The following NKAIN2 variants were observed in gnomAD, a reference collection of about 807,000 sequenced individuals.
NKAIN2 encodes sodium/potassium transporting ATPase interacting 2.
NKAIN2 carries 14 observed loss-of-function variants against 32.6 expected under a neutral mutation model. The ratio of observed to expected loss-of-function variants is 0.43; its 90% CI spans 0.28 to 0.67. The LOEUF (loss-of-function observed/expected upper bound fraction) is 0.67, where lower values mean the gene tolerates loss of function less well. Among genes scored for constraint, NKAIN2 ranks in the 30% least tolerant of loss-of-function variants. The pLI, the probability that NKAIN2 is intolerant of heterozygous loss-of-function variation, is 0.17. For synonymous variants in NKAIN2, 80 were observed against 87.2 expected (o/e 0.92, Z 0.46); for missense variants, 198 against 258.3 (o/e 0.77, Z 1.60).
intron 5 of NKAIN2, among the ~76,000 whole-genome samples, chr6:124,795,895 T>C (rs1192726699): frequency 6.6e-6 from 1 of 152,160 alleles, no homozygotes; most frequent in Non-Finnish European, 1.5e-5. Flanking sequence ...AAAATATGAA[T>C]TGGGGAGGGA....
intron 1 of NKAIN2, among the ~76,000 whole-genome samples, chr6:123,886,985 A>G (rs1035961688): frequency 2.0e-5 from 3 of 152,152 alleles, no homozygotes; most frequent in African/African-American, 4.8e-5. Context: ...TACTGCAAAT[A>G]TCTGTATGAA....
rs555764663 is a variant in NKAIN2, at chr6:124,152,200, G to GA, written c.55-130799dup. Among the ~76,000 whole-genome samples, 6 of 151,884 alleles carry GA rather than the reference G, an allele frequency of 4.0e-5. No homozygotes were observed. The South Asian group carries it at 1.0e-3, about 26-fold the overall frequency. Reference sequence around the variant, plus strand: ...TCCAGTTGATCCAAAATATTATATTGAAAAAACCCCTCTTTTGCCACTGAA... The same window carrying GA: ...TCCAGTTGATCCAAAATATTATATTGAAAAAAACCCCTCTTTTGCCACTGAA... On this transcript the variant is annotated intron_variant, in intron 1 of 6. Coordinates refer to ENST00000368417, the MANE Select transcript of NKAIN2 (RefSeq NM_001040214.3).
intron 1 of NKAIN2, among the ~76,000 whole-genome samples, chr6:123,824,730 T>TA (rs111605515): frequency 0.16 from 22,079 of 141,636 alleles, 3,812 homozygotes; most frequent in African/African-American, 0.43. Context: ...AACTTAAAAT[T>TA]AAAAAAAAAA....
intron 3 of NKAIN2, among the ~76,000 whole-genome samples, chr6:124,389,461 A>G (rs1007796948): frequency 1.3e-5 from 2 of 152,120 alleles, no homozygotes; most frequent in African/African-American, 4.8e-5. Context: ...ATAAGGGTTT[A>G]CTAAATATTA....
At chr6:124,474,610 C>T (rs1446132244) in intron 3 of NKAIN2, among the ~76,000 whole-genome samples, 1 of 151,924 alleles carries the variant, frequency 6.6e-6, no homozygotes, top group Non-Finnish European at 1.5e-5. Context: ...TTTTAAAGAT[C>T]ACCATGACTA....
At chr6:123,994,860 C>G (rs1779553093) in intron 1 of NKAIN2, among the ~76,000 whole-genome samples, 1 of 152,122 alleles carries the variant, frequency 6.6e-6, no homozygotes, top group African/African-American at 2.4e-5. Context: ...TTGCAGTAGT[C>G]CTCTTTGGCA....
intron 3 of NKAIN2, among the ~76,000 whole-genome samples, chr6:124,646,716 C>T (rs1013864369): frequency 6.6e-6 from 1 of 151,998 alleles, no homozygotes; most frequent in African/African-American, 2.4e-5. Context: ...TTTGGGAAGC[C>T]GAGGCGAGTA....
At chr6:124,583,775 G>A (rs1562269056) in intron 3 of NKAIN2, among the ~76,000 whole-genome samples, 3 of 152,168 alleles carry the variant, frequency 2.0e-5, no homozygotes, top group South Asian at 2.1e-4. Flanking sequence ...AAGCAGCATA[G>A]CACTGGCATG....
intron 5 of NKAIN2, among the ~76,000 whole-genome samples, chr6:124,806,626 T>A (rs1780577695): frequency 6.6e-6 from 1 of 151,714 alleles, no homozygotes; most frequent in African/African-American, 2.4e-5. Flanking sequence ...AGGTTCAAAT[T>A]CACACATAAC....
chr6:124,447,201 ACTCT>A (rs1562190860), intron 3 of NKAIN2, among the ~76,000 whole-genome samples: 1 of 152,088 alleles, frequency 6.6e-6, no homozygotes, highest in African/African-American at 2.4e-5. Context: ...TTTGCATAGA[ACTCT>A]GCTGAGAATG....
intron 1 of NKAIN2, among the ~76,000 whole-genome samples, chr6:123,877,717 G>T (rs1032775005): frequency 6.6e-6 from 1 of 152,134 alleles, no homozygotes; most frequent in African/African-American, 2.4e-5. Context: ...TGTTGATGTT[G>T]GGAGTGGAGT....
intron 3 of NKAIN2, among the ~76,000 whole-genome samples, chr6:124,472,748 C>A (rs1416269921): frequency 6.6e-6 from 1 of 151,266 alleles, no homozygotes; most frequent in East Asian, 1.9e-4. Flanking sequence ...TTATGAAGGA[C>A]CTTGTATTAC....
At chr6:124,523,886 T>A (rs2114803706) in intron 3 of NKAIN2, among the ~76,000 whole-genome samples, 1 of 152,312 alleles carries the variant, frequency 6.6e-6, no homozygotes, top group Non-Finnish European at 1.5e-5. Flanking sequence ...ACCTATAGTA[T>A]TGTATGCCAG....
intron 3 of NKAIN2, among the ~76,000 whole-genome samples, chr6:124,464,867 T>C (rs1776679813): frequency 6.6e-6 from 1 of 152,134 alleles, no homozygotes; most frequent in Non-Finnish European, 1.5e-5. Context: ...TGGTTCCATA[T>C]GAAATTTAAA....
intron 3 of NKAIN2, among the ~76,000 whole-genome samples, chr6:124,651,784 G>C (rs1006261086): frequency 3.3e-5 from 5 of 152,134 alleles, no homozygotes; most frequent in African/African-American, 1.2e-4. Flanking sequence ...TCTATGATAA[G>C]AGGGAAAGTC....
chr6:124,192,656 T>G (rs1464729357), intron 1 of NKAIN2, among the ~76,000 whole-genome samples: 1 of 152,100 alleles, frequency 6.6e-6, no homozygotes, highest in Non-Finnish European at 1.5e-5. Flanking sequence ...AGATTTTTTT[T>G]GTTGGTTACA....
chr6:124,186,918 A>G (rs984902620), intron 1 of NKAIN2, among the ~76,000 whole-genome samples: 2 of 152,084 alleles, frequency 1.3e-5, no homozygotes, highest in African/African-American at 4.8e-5. Context: ...TAATCCTTCT[A>G]GGATACCTTA....
At position 124,564,040 on chromosome 6, in the gene NKAIN2, G is replaced by T. The variant is rs184721817; in HGVS notation, c.274-94146G>T. On this transcript the variant is annotated intron_variant, in intron 3 of 6. Transcript: ENST00000368417. Reference sequence around the variant, plus strand: ...AAGATCACTCAGTTTCATCTATAAAGTTCCTAGGGTCTGTCAGGAGCTGCT... The same window carrying T: ...AAGATCACTCAGTTTCATCTATAAATTTCCTAGGGTCTGTCAGGAGCTGCT... 2.2e-3 allele frequency among the ~76,000 whole-genome samples: 330 copies of T among 152,272 alleles called. 2 individuals carry two copies. Among genetic ancestry groups the T allele is most frequent in the Admixed American group, 3.7e-3 (57 of 15,300 alleles).
chr6:124,691,881 T>A (rs149764840), intron 4 of NKAIN2, among the ~76,000 whole-genome samples: 1,816 of 151,750 alleles, frequency 0.012, 22 homozygotes, highest in Non-Finnish European at 0.017. Flanking sequence ...TACAATATAG[T>A]TTTTTTTGAC....
Sources: allele counts gnomAD v4.1 joint callset (sites outside exome capture counted in the v4.1 genomes callset), GRCh38; gene constraint gnomAD v4.1.1; transcripts MANE v1.5; gene names NCBI Gene and HGNC (gene_info 2026-07-23, HGNC 2026-07-21).